The following ARAP2 variants were observed in gnomAD, a reference collection of about 807,000 sequenced individuals.
ARAP2 encodes the protein arf-GAP with Rho-GAP domain, ANK repeat and PH domain-containing protein 2.
A neutral mutation model predicts 194.5 loss-of-function variants in ARAP2; 148 were observed. That is an observed-to-expected ratio of 0.76 (90% CI 0.67 to 0.87). ARAP2 has a LOEUF of 0.87. Ranked by LOEUF, ARAP2 falls within the 40% of genes least tolerant of loss-of-function variation. ARAP2 has a pLI of 0.00. For synonymous variants in ARAP2, 695 were observed against 683.5 expected, an observed-to-expected ratio of 1.02 and a Z score of -0.26; for missense variants, 2,128 against 1,989.7, an observed-to-expected ratio of 1.07 and a Z score of -1.32.
intron 1 of ARAP2, among the ~76,000 whole-genome samples, chr4:36,238,001 T>C (rs992955631): frequency 2.6e-5 from 4 of 152,212 alleles, no homozygotes; most frequent in African/African-American, 9.6e-5. Context: ...AGGTCAGGCC[T>C]GCTAACTTAT....
chr4:36,162,604 CTT>C (rs3055949), intron 11 of ARAP2, among the ~76,000 whole-genome samples: 3 of 142,574 alleles, frequency 2.1e-5, no homozygotes, highest in African/African-American at 5.2e-5. Context: ...AAGTTCTTGT[CTT>C]TTTTTTTTTT....
At chr4:36,121,687 G>C (rs915531595) in intron 22 of ARAP2, among the ~76,000 whole-genome samples, 6 of 151,596 alleles carry the variant, frequency 4.0e-5, no homozygotes, top group Non-Finnish European at 7.4e-5. Context: ...AGCATAGGAG[G>C]AGGAAATGGG....
At chr4:36,052,458 T>C (rs558755307) in intron 2 of ARAP2, among the ~76,000 whole-genome samples, 2 of 152,314 alleles carry the variant, frequency 1.3e-5, no homozygotes, top group Non-Finnish European at 2.9e-5. Context: ...AGTAGCTACA[T>C]ACGAAAAGGC....
intron 19 of ARAP2, among the ~76,000 whole-genome samples, chr4:36,145,699 A>G (rs1729470421): frequency 6.6e-6 from 1 of 151,884 alleles, no homozygotes; most frequent in African/African-American, 2.4e-5. Context: ...AAAATAAAAG[A>G]AACTGTCTTC....
At chr4:36,204,719 G>C (rs1745145668) in intron 6 of ARAP2, among the ~76,000 whole-genome samples, 1 of 152,082 alleles carries the variant, frequency 6.6e-6, no homozygotes, top group Admixed American at 6.5e-5. Context: ...GGCCGGGCAC[G>C]GTCGTTTATG....
chr4:36,086,776 G>A (rs962559237), intron 28 of ARAP2, among the ~76,000 whole-genome samples: 1 of 152,020 alleles, frequency 6.6e-6, no homozygotes, highest in Non-Finnish European at 1.5e-5. Context: ...TAAAGTATAG[G>A]CAACTTTTAA....
chr4:36,079,959 C>T (rs2109340548), intron 31 of ARAP2, among the ~76,000 whole-genome samples: 1 of 152,222 alleles, frequency 6.6e-6, no homozygotes, highest in East Asian at 1.9e-4. Context: ...AAGCAACACA[C>T]CTCACCTAAG....
chr4:36,071,693 A>ATTTTTTTTTTTT (rs55918222), intron 32 of ARAP2, among the ~76,000 whole-genome samples: 1 of 147,120 alleles, frequency 6.8e-6, no homozygotes. Flanking sequence ...TTTTTTTTTA[A>ATTTTTTTTTTTT]TTTTTTTTCT....
chr4:36,074,547 T>TA (rs1727797855), intron 31 of ARAP2, among the ~76,000 whole-genome samples: 1 of 152,068 alleles, frequency 6.6e-6, no homozygotes, highest in South Asian at 2.1e-4. Context: ...AAAAATTCTT[T>TA]AAAGAATTTT....
chr4:36,106,348 T>C (rs113691586), intron 27 of ARAP2, among the ~76,000 whole-genome samples: 27 of 152,132 alleles, frequency 1.8e-4, no homozygotes, highest in African/African-American at 6.3e-4. Flanking sequence ...AAAGGCTACA[T>C]TTCTACAGTA....
intron 2 of ARAP2, among the ~76,000 whole-genome samples, chr4:36,214,840 T>C (rs1318432417): frequency 1.3e-5 from 2 of 152,252 alleles, no homozygotes; most frequent in African/African-American, 2.4e-5. Flanking sequence ...TCAAAACTGC[T>C]AGTCATATCT....
intron 27 of ARAP2, among the ~76,000 whole-genome samples, chr4:36,098,281 T>C (rs891221556): frequency 3.9e-5 from 6 of 152,178 alleles, no homozygotes; most frequent in East Asian, 3.9e-4. Flanking sequence ...TCAATCATTA[T>C]TCTTTCAGCA....
chr4:36,160,718 T>C, intron 12 of ARAP2, 77 bp from the exon 13 acceptor site: 1 of 1,174,898 alleles, frequency 8.5e-7, no homozygotes. Context: ...CTGAATTATA[T>C]TACAAATTAA....
In ARAP2 at chr4:36,228,583, T is replaced by C; in HGVS notation, c.904A>G (p.Ser302Gly). The change falls in exon 2 of 33, where the codon AGC becomes GGC. Residue 302 changes from serine to glycine, a missense_variant and splice_region_variant. Transcript: ENST00000303965. ...ACAGCTTATTGTAAAGATTCTTACC[T>C]CCCAGAAACTCCTTTTGTTGACCCT... ...IPGSTKGVSGSYFRERRNVAT... is the reference protein window; with the variant it reads ...IPGSTKGVSGGYFRERRNVAT... 1 of 1,574,910 alleles carries C rather than the reference T, an allele frequency of 6.3e-7. No individual in the cohort carries two copies. Among genetic ancestry groups the C allele is most frequent in the Non-Finnish European group, 8.6e-7 (1 of 1,162,244 alleles).
intron 24 of ARAP2, among the ~76,000 whole-genome samples, chr4:36,118,792 C>T (rs1410597997): frequency 1.3e-5 from 2 of 151,284 alleles, no homozygotes; most frequent in Non-Finnish European, 3.0e-5. Flanking sequence ...TACTCTGGGT[C>T]AAAATGGAGA....
intron 5 of ARAP2, among the ~76,000 whole-genome samples, chr4:36,041,666 T>C (rs1606027): frequency 0.55 from 84,304 of 152,058 alleles, 26,566 homozygotes; most frequent in Admixed American, 0.73. Flanking sequence ...AACAATCCCA[T>C]TATTGGGTGT....
intron 2 of ARAP2, among the ~76,000 whole-genome samples, chr4:36,222,982 A>T (rs546810498): frequency 2.0e-4 from 31 of 152,106 alleles, no homozygotes; most frequent in African/African-American, 7.0e-4. Context: ...TCATCCTTGT[A>T]TTGCACTCCT....
chr4:36,019,866 T>C (rs368375692), intron 5 of ARAP2, among the ~76,000 whole-genome samples: 6 of 152,116 alleles, frequency 3.9e-5, no homozygotes, highest in African/African-American at 1.4e-4. Context: ...GAGAGAGTAG[T>C]CTCTCCTTAT....
At chr4:36,226,527 T>A (rs2109330516) in intron 2 of ARAP2, among the ~76,000 whole-genome samples, 1 of 151,806 alleles carries the variant, frequency 6.6e-6, no homozygotes, top group South Asian at 2.1e-4. Context: ...CCACATAATT[T>A]AGTTGGTTTT....
Sources: allele counts gnomAD v4.1 joint callset (sites outside exome capture counted in the v4.1 genomes callset), GRCh38; gene constraint gnomAD v4.1.1; transcripts MANE v1.5; gene names NCBI Gene and HGNC (gene_info 2026-07-23, HGNC 2026-07-21).